Variants in RBMS1 observed in about 807,000 individuals in gnomAD.
RBMS1 encodes RNA-binding motif, single-stranded-interacting protein 1.
Under a neutral mutation model 62.3 loss-of-function variants are expected in RBMS1, and 17 were observed. The observed-to-expected ratio is 0.27, with a 90% confidence interval of 0.19 to 0.41. The LOEUF (loss-of-function observed/expected upper bound fraction) is 0.41. RBMS1 is among the 10% of genes least tolerant of loss of function. RBMS1 has a pLI of 1.00. For missense variants in RBMS1, 334 were observed against 504.5 expected (o/e 0.66, Z 3.24); for synonymous variants, 172 against 170.0 (o/e 1.01, Z -0.09).
intron 2 of RBMS1, among the ~76,000 whole-genome samples, chr2:160,343,532 T>C (rs1334765722): frequency 6.6e-6 from 1 of 152,140 alleles, no homozygotes; most frequent in Non-Finnish European, 1.5e-5. Context: ...TAATTAAGGA[T>C]CATGTTACTG....
Position 160,448,280 on chromosome 2 carries a change from TC to T in RBMS1, c.75+45008del, listed in dbSNP as rs1683751136. On this transcript the variant is annotated intron_variant, in intron 1 of 13. Coordinates refer to ENST00000348849, the MANE Select transcript of RBMS1 (RefSeq NM_016836.4). ...ACTTGGGGATTTGAAAACCATTAAC[TC>T]CCCCTCCCCCTCCCCCTCCCCCTCT... is the stretch of plus-strand genomic sequence containing the variant. Among the ~76,000 whole-genome samples the T allele has an allele frequency of 8.1e-5, 12 of 148,130 alleles. No homozygotes were observed. The South Asian group carries it at 2.5e-3, about 31-fold the overall frequency.
intron 1 of RBMS1, among the ~76,000 whole-genome samples, chr2:160,490,748 A>C (rs1334033605): frequency 6.6e-6 from 1 of 152,194 alleles, no homozygotes; most frequent in African/African-American, 2.4e-5. Context: ...CCTTCTGATT[A>C]AAAGAATTAG....
Position 160,367,350 on chromosome 2 carries a change from G to A in RBMS1, c.117C>T (p.Pro39=). ...VPAHPMAPPS[P]STTSSNNNSS... ...TGTTGTTATTACTGCTGGTGGTGCT[G>A]GGACTGGGAGGGGCCATGGGGTGGG... is the stretch of plus-strand genomic sequence containing the variant. Residue 39 remains proline (P), a synonymous_variant, in exon 2 of 14, where the codon CCC becomes CCT. Coordinates refer to ENST00000348849, the MANE Select transcript of RBMS1 (RefSeq NM_016836.4). 1.2e-6 allele frequency: 2 copies of A among 1,614,018 alleles called. No individual in the cohort carries two copies. Among genetic ancestry groups the A allele is most frequent in the South Asian group, 2.2e-5 (2 of 91,070 alleles).
intron 6 of RBMS1, among the ~76,000 whole-genome samples, chr2:160,290,297 G>GCC (rs1559328597): frequency 6.6e-6 from 1 of 151,448 alleles, no homozygotes; most frequent in East Asian, 2.0e-4. Context: ...TGCAGAAAAG[G>GCC]AAGTGCCATA....
chr2:160,381,868 T>A (rs1694301024), intron 1 of RBMS1, among the ~76,000 whole-genome samples: 1 of 152,198 alleles, frequency 6.6e-6, no homozygotes, highest in Admixed American at 6.5e-5. Flanking sequence ...CAGCACAGCA[T>A]TACTGTGAAG....
rs955051893 is a variant in RBMS1 at position 160,274,470 on chromosome 2, T to TC, written c.*301dup. On this transcript the variant is annotated 3_prime_UTR_variant, in exon 14 of 14. Coordinates refer to ENST00000348849, the MANE Select transcript of RBMS1 (RefSeq NM_016836.4). ...TGAAGTTTTCTTTTCTTTTTTTTTT[T>TC]CTTTTTCTTTTTTTGCATCATAACA... The TC allele has an allele frequency of 4.0e-5, 5 of 123,852 alleles. No individual in the cohort carries two copies. The highest frequency in any genetic ancestry group is 5.8e-5 in the Non-Finnish European group (3 of 51,790). 7.7% of individuals were successfully genotyped at this position (123,852 alleles called of 1,614,324 possible).
intron 1 of RBMS1, among the ~76,000 whole-genome samples, chr2:160,491,796 T>C (rs894387610): frequency 2.0e-5 from 3 of 152,226 alleles, no homozygotes; most frequent in Admixed American, 6.5e-5. Context: ...AGCTACCATG[T>C]AGCTCACAGA....
intron 1 of RBMS1, among the ~76,000 whole-genome samples, chr2:160,490,240 A>C (rs907502667): frequency 1.3e-5 from 2 of 151,936 alleles, no homozygotes; most frequent in African/African-American, 4.8e-5. Context: ...ATCAAGCTAC[A>C]TTTCAGAATG....
chr2:160,471,691 GTATATATA>G lies in RBMS1; in HGVS notation c.75+21590_75+21597del, dbSNP rs368982549. Among the ~76,000 whole-genome samples, 13 of 65,946 alleles carry G rather than the reference GTATATATA, an allele frequency of 2.0e-4. 1 individual carries two copies. Among genetic ancestry groups the G allele is most frequent in the South Asian group, 1.6e-3 (2 of 1,248 alleles). The allele number at this position is 65,946 out of a possible 152,430, so 43.3% of individuals were successfully genotyped here. On this transcript the variant is annotated intron_variant, in intron 1 of 13. Transcript: ENST00000348849. ...AATCATGTTTGGGAAATCCTTTGGT[GTATATATA>G]TATATATATATATATATAACCTTTC...
chr2:160,402,493 G>T (rs936239401), intron 1 of RBMS1, among the ~76,000 whole-genome samples: 2 of 152,106 alleles, frequency 1.3e-5, no homozygotes, highest in African/African-American at 4.8e-5. Context: ...GAAAATCTGG[G>T]ACATACTTAT....
chr2:160,416,350 C>T (rs1211242518), intron 1 of RBMS1, among the ~76,000 whole-genome samples: 1 of 151,810 alleles, frequency 6.6e-6, no homozygotes, highest in African/African-American at 2.4e-5. Flanking sequence ...TACAATGTTT[C>T]AAACAAGTCA....
At chr2:160,377,915 C>A (rs181990098) in intron 1 of RBMS1, among the ~76,000 whole-genome samples, 1 of 152,320 alleles carries the variant, frequency 6.6e-6, no homozygotes. Context: ...TCATAAAGCA[C>A]CAGTCCTTGT....
At chr2:160,475,773 T>A (rs1202093905) in intron 1 of RBMS1, among the ~76,000 whole-genome samples, 1 of 152,220 alleles carries the variant, frequency 6.6e-6, no homozygotes, top group Non-Finnish European at 1.5e-5. Context: ...TATTTTGCTT[T>A]TTAAAATTTA....
chr2:160,435,130 A>G (rs887759960), intron 1 of RBMS1, among the ~76,000 whole-genome samples: 3 of 152,246 alleles, frequency 2.0e-5, no homozygotes, highest in Admixed American at 1.3e-4. Flanking sequence ...CTAACTTTCT[A>G]TGGAAAGAGT....
chr2:160,334,933 A>C (rs901750263), intron 2 of RBMS1, among the ~76,000 whole-genome samples: 1 of 151,890 alleles, frequency 6.6e-6, no homozygotes, highest in Non-Finnish European at 1.5e-5. Flanking sequence ...TTTTATCCTG[A>C]AATGTGAAAA....
intron 1 of RBMS1, among the ~76,000 whole-genome samples, chr2:160,443,561 C>A (rs959035877): frequency 2.0e-5 from 3 of 151,872 alleles, no homozygotes; most frequent in South Asian, 2.1e-4. Flanking sequence ...CACCTCCCCC[C>A]ACCCCCACTC....
intron 2 of RBMS1, among the ~76,000 whole-genome samples, chr2:160,344,854 T>A (rs1457915824): frequency 1.3e-5 from 2 of 152,158 alleles, no homozygotes; most frequent in Admixed American, 1.3e-4. Context: ...TAAAAGCTTA[T>A]TAAACTGGAC....
At chr2:160,274,896 G>T (rs1004877368) in intron 13 of RBMS1, 132 bp from the exon 14 acceptor site, 1 of 152,614 alleles carries the variant, frequency 6.6e-6, no homozygotes, top group African/African-American at 2.4e-5. Flanking sequence ...ATGGTAGACT[G>T]ATAAATGCAG....
chr2:160,284,708 T>C (rs529451874), intron 9 of RBMS1, 67 bp downstream of exon 9: 88 of 1,249,150 alleles, frequency 7.0e-5, no homozygotes, highest in Non-Finnish European at 1.0e-4. Flanking sequence ...TTAAGACACA[T>C]AAAAATGTAG....
Sources: allele counts gnomAD v4.1 joint callset (sites outside exome capture counted in the v4.1 genomes callset), GRCh38; gene constraint gnomAD v4.1.1; transcripts MANE v1.5; gene names NCBI Gene and HGNC (gene_info 2026-07-23, HGNC 2026-07-21).